Variants in ORC5 observed in about 807,000 individuals in gnomAD.
ORC5 encodes origin recognition complex subunit 5.
Under a neutral mutation model 58.8 loss-of-function variants are expected in ORC5, and 39 were observed. The ratio of observed to expected loss-of-function variants is 0.66; its 90% confidence interval spans 0.51 to 0.87. The LOEUF is 0.87. ORC5 is among the 40% of genes least tolerant of loss of function. The pLI, the probability that ORC5 is intolerant of heterozygous loss-of-function variation, is 0.00. For missense variants in ORC5, 493 were observed against 506.3 expected, an observed-to-expected ratio of 0.97 and a Z score of 0.25; for synonymous variants, 218 against 177.6, an observed-to-expected ratio of 1.23 and a Z score of -1.81.
intron 12 of ORC5, among the ~76,000 whole-genome samples, chr7:104,149,490 T>C (rs1241677675): frequency 6.6e-6 from 1 of 152,096 alleles, no homozygotes; most frequent in African/African-American, 2.4e-5. Context: ...GTAGGTTCTC[T>C]TTTTCAAAGT....
chr7:104,195,203 A>G lies in ORC5; in HGVS notation c.493T>C (p.Phe165Leu). Residue 165 changes from phenylalanine (F) to leucine (L), a missense_variant, in exon 5 of 14, where the codon TTT becomes CTT. Phe to Leu is a conservative substitution (Grantham distance 22, BLOSUM62 0). Coordinates refer to ENST00000297431, the MANE Select transcript of ORC5 (RefSeq NM_002553.4). ...LFLSEIVWEKFRPNTGCFEPF... is the reference protein window; with the variant it reads ...LFLSEIVWEKLRPNTGCFEPF... ...TCAAAGCATCCAGTATTTGGACGAA[A>G]CTTTTCCCAAACAATTTCACTGAGA... 6.3e-7 allele frequency: 1 copy of G among 1,575,848 alleles called. No individual in the cohort carries two copies. Among genetic ancestry groups the G allele is most frequent in the African/African-American group, 1.4e-5 (1 of 72,432 alleles).
chr7:104,201,639 A>C (rs569170273), intron 2 of ORC5, among the ~76,000 whole-genome samples: 4 of 151,612 alleles, frequency 2.6e-5, no homozygotes, highest in Non-Finnish European at 4.4e-5. Flanking sequence ...AAAAAAAAAA[A>C]AAAAGAAAAG....
At chr7:104,192,278 T>C (rs1314797856) in intron 5 of ORC5, among the ~76,000 whole-genome samples, 1 of 152,130 alleles carries the variant, frequency 6.6e-6, no homozygotes, top group Non-Finnish European at 1.5e-5. Context: ...TACCAATCTG[T>C]GTATGCATAG....
chr7:104,207,850 G>T lies in ORC5; in HGVS notation c.55C>A (p.Gln19Lys). The T allele has an allele frequency of 1.2e-6, 2 of 1,614,154 alleles. No homozygotes were observed. The highest frequency in any genetic ancestry group is 1.7e-6 in the Non-Finnish European group (2 of 1,179,968). Reference sequence around the variant, plus strand: ...TACAATACCTCTCCAAACAAGGACTGCAAGATGGACACTTGAGACTCGCGA... The same window carrying T: ...TACAATACCTCTCCAAACAAGGACTTCAAGATGGACACTTGAGACTCGCGA... Reference protein sequence around the residue: ...LCRESQVSILQSLFGERHHFS... With the variant: ...LCRESQVSILKSLFGERHHFS... The change falls in exon 1 of 14, where the codon CAG becomes AAG. Residue 19 changes from glutamine (Q) to lysine (K), a missense_variant. By Grantham distance (53) the Gln-to-Lys change is moderately conservative (BLOSUM62 1). Transcript: ENST00000297431.
chr7:104,204,234 T>C lies in ORC5; in HGVS notation c.73A>G (p.Arg25Gly). 6.4e-7 allele frequency: 1 copy of C among 1,567,468 alleles called. No homozygotes were observed. The highest frequency in any genetic ancestry group is 8.7e-7 in the Non-Finnish European group (1 of 1,144,166). ...ATGGATGGAAAGCTGAAATGATGTC[T>C]CTAACGAGAGAAAAGACAAATATGA... ...VSILQSLFGE[R>G]HHFSFPSIFI... The change falls in exon 2 of 14, where the codon AGA becomes GGA. Residue 25 changes from arginine to glycine, a missense_variant and splice_region_variant. Coordinates refer to ENST00000297431, the MANE Select transcript of ORC5 (RefSeq NM_002553.4).
At position 104,207,971 on chromosome 7, in the gene ORC5, C is replaced by T. The variant is rs1359154313; in HGVS notation, c.-67G>A. On this transcript the variant is annotated 5_prime_UTR_variant, in exon 1 of 14. Transcript: ENST00000297431. ...AGGACCCTTGCACAAGACGGAGCCT[C>T]TCCCGAGTCTGGCGGCCCACGCTCC... The T allele has an allele frequency of 2.8e-6, 4 of 1,451,018 alleles. No individual in the cohort carries two copies. Among genetic ancestry groups the T allele is most frequent in the Non-Finnish European group, 3.8e-6 (4 of 1,039,212 alleles). The allele number at this position is 1,451,018 out of a possible 1,614,324, so 89.9% of individuals were successfully genotyped here.
At chr7:104,187,980 A>G in intron 6 of ORC5, 2 of 1,049,552 alleles carry the variant, frequency 1.9e-6, no homozygotes, top group Non-Finnish European at 2.3e-6. Flanking sequence ...GCAATTAGAG[A>G]AAAAACAAGG....
intron 2 of ORC5, 41 bp from the exon 3 acceptor site, chr7:104,200,999 C>T: frequency 6.6e-7 from 1 of 1,509,318 alleles, no homozygotes. Flanking sequence ...AAGAAGAAAA[C>T]ACACAAACAC....
intron 12 of ORC5, among the ~76,000 whole-genome samples, chr7:104,142,030 T>C (rs1798681852): frequency 6.6e-6 from 1 of 152,094 alleles, no homozygotes; most frequent in South Asian, 2.1e-4. Context: ...AGTATGGTAA[T>C]GGCATAAAAA....
rs1454630029 is a variant in ORC5, at chr7:104,138,460, T to C, written c.1150-1567A>G. Reference sequence around the variant, plus strand: ...GGTTAGATGAGAGATAAGAAATACATCCTTCAGACCTGGGCTTAGTCTTGG... The same window carrying C: ...GGTTAGATGAGAGATAAGAAATACACCCTTCAGACCTGGGCTTAGTCTTGG... On this transcript the variant is annotated intron_variant, in intron 12 of 13. Transcript: ENST00000297431. The surrounding 1 kb of genome is among the most constrained non-coding windows in gnomAD (Gnocchi z 4.7). Among the ~76,000 whole-genome samples the C allele has an allele frequency of 6.6e-6, 1 of 152,094 alleles. No individual in the cohort carries two copies. Among genetic ancestry groups the C allele is most frequent in the Non-Finnish European group, 1.5e-5 (1 of 68,000 alleles).
intron 12 of ORC5, among the ~76,000 whole-genome samples, chr7:104,153,531 T>C (rs1442605024): frequency 6.6e-6 from 1 of 152,152 alleles, no homozygotes; most frequent in Non-Finnish European, 1.5e-5. Flanking sequence ...TATTAGGAAA[T>C]GTTAGCATTC....
intron 8 of ORC5, among the ~76,000 whole-genome samples, chr7:104,173,054 A>G (rs1004092955): frequency 1.3e-5 from 2 of 152,090 alleles, no homozygotes; most frequent in African/African-American, 4.8e-5. Context: ...ACCCCCAACA[A>G]GTAGAGCCAG....
At chr7:104,154,092 G>A (rs1014005959) in intron 12 of ORC5, among the ~76,000 whole-genome samples, 10 of 151,986 alleles carry the variant, frequency 6.6e-5, no homozygotes, top group Middle Eastern at 3.2e-3. Flanking sequence ...CCATTATGAA[G>A]TATTTCAAAT....
In ORC5 at chr7:104,184,118, G is replaced by C; in HGVS notation, c.733+5C>G. On this transcript the variant is annotated splice_donor_5th_base_variant and intron_variant, in intron 7 of 13. Transcript: ENST00000297431. ...AAATATTAATGAGTAAAATTACACA[G>C]TTACCTTCTCCTTTAACCACGGGTT... 1 of 1,590,246 alleles carries C rather than the reference G, an allele frequency of 6.3e-7. No individual in the cohort carries two copies. The highest frequency in any genetic ancestry group is 8.6e-7 in the Non-Finnish European group (1 of 1,163,364).
chr7:104,149,172 A>G (rs1798807202), intron 12 of ORC5, among the ~76,000 whole-genome samples: 1 of 152,210 alleles, frequency 6.6e-6, no homozygotes, highest in African/African-American at 2.4e-5. Context: ...TTACAGAAAC[A>G]TTCACAACTA....
chr7:104,181,736 G>A (rs992192852), intron 8 of ORC5, among the ~76,000 whole-genome samples: 3 of 150,804 alleles, frequency 2.0e-5, no homozygotes, highest in African/African-American at 7.3e-5. Flanking sequence ...AGCTTGTAGT[G>A]AGCCGAGATC....
chr7:104,159,912 A>G (rs919657994), intron 12 of ORC5, among the ~76,000 whole-genome samples: 3 of 152,228 alleles, frequency 2.0e-5, no homozygotes, highest in Admixed American at 2.0e-4. Context: ...AATAAAAGGT[A>G]AAGTTTTATT....
At chr7:104,191,532 T>C (rs1008691108) in intron 5 of ORC5, among the ~76,000 whole-genome samples, 14 of 151,940 alleles carry the variant, frequency 9.2e-5, no homozygotes, top group African/African-American at 3.4e-4. Context: ...CATAAGACAG[T>C]TGATTAGATG....
In ORC5 at chr7:104,194,372, A is replaced by AT. The variant is rs201175924; in HGVS notation, c.553+770dup. On this transcript the variant is annotated intron_variant, in intron 5 of 13. Coordinates refer to ENST00000297431, the MANE Select transcript of ORC5 (RefSeq NM_002553.4). ...AATGAGGCCAAGGTCATGGAATGCT[A>AT]TTTTTTTATAGACTGCTAACCATCT... Among the ~76,000 whole-genome samples, 392 of 152,166 alleles carry AT rather than the reference A, an allele frequency of 2.6e-3. 17 individuals are homozygous for AT. In the East Asian group the frequency reaches 0.068, roughly 26 times the overall value.
Sources: gnomAD v4.1 joint callset for allele counts (sites outside exome capture counted in the v4.1 genomes callset) on GRCh38, gnomAD v4.1.1 for gene constraint, Gnocchi (gnomAD v3.1) non-coding constraint, MANE v1.5 for transcripts, NCBI Gene and HGNC (gene_info 2026-07-23, HGNC 2026-07-21) for gene names.